The following LILRB3 variants were observed in gnomAD, a reference collection of about 807,000 sequenced individuals.
The protein encoded by LILRB3 is leukocyte immunoglobulin like receptor B3, also known as leukocyte immunoglobulin-like receptor subfamily B member 3.
A neutral mutation model predicts 68.2 loss-of-function variants in LILRB3; 32 were observed. The observed-to-expected ratio is 0.47, with a 90% CI of 0.35 to 0.63. The LOEUF is 0.63. Ranked by LOEUF, LILRB3 falls within the 30% of genes least tolerant of loss-of-function variation. The pLI, the probability that LILRB3 is intolerant of heterozygous loss-of-function variation, is 0.00. For synonymous variants in LILRB3, 185 were observed against 323.1 expected, an observed-to-expected ratio of 0.57 and a Z score of 4.58; for missense variants, 502 against 791.3, an observed-to-expected ratio of 0.63 and a Z score of 4.39.
chr19:54,219,750 C>A, intron 7 of LILRB3: 1 of 1,478,396 alleles, frequency 6.8e-7, no homozygotes, highest in Non-Finnish European at 9.0e-7. Flanking sequence ...GAAACTGAGG[C>A]CCAGGCAGGG....
At chr19:54,219,131 G>C in exon 8 of LILRB3, 4 of 1,595,466 alleles carry the variant, frequency 2.5e-6, no homozygotes, top group East Asian at 4.5e-5. Context: ...CTACTCACCA[G>C]ATGTCCTGTG....
chr19:54,219,041 C>T, intron 8 of LILRB3, 88 bp downstream of exon 8: 2 of 1,533,978 alleles, frequency 1.3e-6, no homozygotes, highest in Non-Finnish European at 8.8e-7. Context: ...GTTTTCTAAA[C>T]TGACACCCCT....
At position 54,218,753 on chromosome 19, in the gene LILRB3, G is replaced by A; in HGVS notation, c.1502+10C>T. 1.2e-6 allele frequency: 2 copies of A among 1,614,086 alleles called. No homozygotes were observed. Among genetic ancestry groups the A allele is most frequent in the Non-Finnish European group, 1.7e-6 (2 of 1,180,010 alleles). On this transcript the variant is annotated intron_variant, in intron 9 of 12. Coordinates refer to ENST00000445347, the Ensembl canonical transcript of LILRB3. ...TGGGTGGGAGTCTGTGGTCTTTGGG[G>A]CAGAATTACCTCCTCAGCAGGCCCC...
At position 54,217,325 on chromosome 19, in the gene LILRB3, G is replaced by T. The variant is rs372826043; in HGVS notation, c.1743C>A (p.Asp581Glu). 44 of 1,588,186 alleles carry T rather than the reference G, an allele frequency of 2.8e-5. 2 individuals are homozygous for T. The highest frequency in any genetic ancestry group is 3.7e-5 in the Non-Finnish European group (43 of 1,166,274). Residue 581 changes from aspartate to glutamate, a missense_variant, in exon 12 of 13, where the codon GAC (aspartate) becomes GAA (glutamate). Asp to Glu is a conservative substitution (Grantham distance 45). Around this residue, in one of 8 missense-constraint regions of LILRB3, gnomAD observed 267 missense variants for 245.5 expected, o/e 1.09. Transcript: ENST00000445347. ...TGGAGAGGAAAGGACTCACCTCAGT[G>T]TCCATCTGCCTGTCCTCTTCCACCT...
chr19:54,222,530 G>C, exon 3 of LILRB3: 1 of 1,610,746 alleles, frequency 6.2e-7, no homozygotes, highest in East Asian at 2.2e-5. Flanking sequence ...ACAGAGCCTG[G>C]CTCAGCCCAG....
intron 7 of LILRB3, 139 bp from the exon 8 acceptor site, chr19:54,219,384 C>A: frequency 6.9e-7 from 1 of 1,459,004 alleles, no homozygotes. Context: ...ACCCGTACAA[C>A]CCATTTCACA....
In LILRB3 at chr19:54,216,948, C is replaced by T. The variant is rs190506887; in HGVS notation, c.*145G>A. 37 of 1,492,494 alleles carry T rather than the reference C, an allele frequency of 2.5e-5. No homozygotes were observed. The Admixed American group carries it at 8.7e-4, about 35-fold the overall frequency. 92.5% of individuals were successfully genotyped at this position (1,492,494 alleles called of 1,614,324 possible). The stretch of plus-strand genomic sequence containing the variant: ...TTAGTCATCTTTGAGTCAGGTGAGT[C>T]CCACAAGTTCCCAGCGTCTCCTCAT... On this transcript the variant is annotated 3_prime_UTR_variant, in exon 13 of 13. Transcript: ENST00000445347.
At chr19:54,219,074 T>C in intron 8 of LILRB3, 55 bp downstream of exon 8, 3 of 1,546,964 alleles carry the variant, frequency 1.9e-6, no homozygotes, top group Non-Finnish European at 2.6e-6. Context: ...TCCCTCTGGC[T>C]GGTGCCCTGA....
At position 54,221,816 on chromosome 19, in the gene LILRB3, T is replaced by C; in HGVS notation, c.658+12A>G. 6.3e-7 allele frequency: 1 copy of C among 1,593,708 alleles called. No homozygotes were observed. The highest frequency in any genetic ancestry group is 8.6e-7 in the Non-Finnish European group (1 of 1,168,270). On this transcript the variant is annotated intron_variant, in intron 4 of 12. Transcript: ENST00000445347. Reference sequence around the variant, plus strand: ...CCCGAAAGTGTGTTAGACAAGGCCGTGGCTCCCTCACCTGAGGGCAGAATC... The same window carrying C: ...CCCGAAAGTGTGTTAGACAAGGCCGCGGCTCCCTCACCTGAGGGCAGAATC...
chr19:54,216,941 G>A, exon 13 of LILRB3: 1 of 1,483,438 alleles, frequency 6.7e-7, no homozygotes, highest in Non-Finnish European at 9.0e-7. Context: ...CTTTGAGTCA[G>A]GTGAGTCCCA....
exon 4 of LILRB3, chr19:54,221,925 G>A (rs1450269255): frequency 6.3e-6 from 10 of 1,581,236 alleles, no homozygotes; most frequent in Non-Finnish European, 8.6e-6. Flanking sequence ...TGTGGCTGGG[G>A]GTCACGGGGC....
In LILRB3 at chr19:54,217,156, A is replaced by G. The variant is rs142952005; in HGVS notation, c.1833T>C (p.Pro611=). The G allele has an allele frequency of 7.9e-4, 1,271 of 1,613,388 alleles. 8 individuals are homozygous for G. The African/African-American group carries it at 0.014, about 18-fold the overall frequency. The change falls in exon 13 of 13, where the codon CCT becomes CCC. Residue 611 remains proline (P), a synonymous_variant. Coordinates refer to ENST00000445347, the Ensembl canonical transcript of LILRB3. ...CTGGAGGTTCCCCTTCCTGGGATGG[A>G]GGAGGCTCAGTTGCCTTCCGTCTAA...
At chr19:54,219,308 G>A (rs1336491850) in intron 7 of LILRB3, 63 bp from the exon 8 acceptor site, 1 of 1,507,558 alleles carries the variant, frequency 6.6e-7, no homozygotes. Flanking sequence ...CTGTGTGCAG[G>A]CGCGAGCCAG....
At chr19:54,221,659 A>C (rs879464520) in intron 4 of LILRB3, 169 bp downstream of exon 4, 53 of 1,577,242 alleles carry the variant, frequency 3.4e-5, no homozygotes, top group African/African-American at 1.1e-4. Flanking sequence ...GAACGTGGTC[A>C]AGGGCTCCTC....
exon 13 of LILRB3, chr19:54,216,905 T>C: frequency 1.4e-6 from 2 of 1,441,312 alleles, no homozygotes; most frequent in Non-Finnish European, 1.8e-6. Flanking sequence ...GTTGCTTTAT[T>C]TCCAAAATGG....
rs780838455 is a variant in LILRB3 at position 54,217,388 on chromosome 19, G to T, written c.1680C>A (p.Ser560=). 21 of 1,596,350 alleles carry T rather than the reference G, an allele frequency of 1.3e-5. No homozygotes were observed. The Middle Eastern group carries it at 1.6e-3, about 120-fold the overall frequency. The change falls in exon 12 of 13, where the codon TCC becomes TCA. Residue 560 remains serine (S), a synonymous_variant. Coordinates refer to ENST00000445347, the Ensembl canonical transcript of LILRB3. ...TGTCCAGGAATTCCCCAGACAGTGAGGAGGGAGGAGAGGCCATTTCTCTCC... is the reference window on the plus strand; with the variant it reads ...TGTCCAGGAATTCCCCAGACAGTGATGAGGGAGGAGAGGCCATTTCTCTCC...
At chr19:54,218,527 T>G (rs1472491926) in intron 10 of LILRB3, 114 bp from the exon 11 acceptor site, 1 of 1,602,590 alleles carries the variant, frequency 6.2e-7, no homozygotes, top group Non-Finnish European at 8.5e-7. Flanking sequence ...TCCCACAGTG[T>G]GGGGCAAGAC....
At chr19:54,217,167 T>C (rs1453918440) in exon 13 of LILRB3, 7 of 1,614,018 alleles carry the variant, frequency 4.3e-6, no homozygotes, top group Non-Finnish European at 5.9e-6. Context: ...GGAGGCTCAG[T>C]TGCCTTCCGT....
Position 54,218,761 on chromosome 19 carries a change from A to C in LILRB3, c.1502+2T>G. 3 of 1,613,630 alleles carry C rather than the reference A, an allele frequency of 1.9e-6. No homozygotes were observed. Among genetic ancestry groups the C allele is most frequent in the Non-Finnish European group, 2.5e-6 (3 of 1,179,908 alleles). ...AGTCTGTGGTCTTTGGGGCAGAATT[A>C]CCTCCTCAGCAGGCCCCTGTCCTTG... On this transcript the variant is annotated splice_donor_variant, in intron 9 of 12. Transcript: ENST00000445347. LOFTEE classifies it high-confidence loss of function.
Sources: gnomAD v4.1 joint callset for allele counts on GRCh38, gnomAD v4.1.1 for gene constraint, gnomAD v4.1.1 regional missense constraint, MANE v1.5 for transcripts, NCBI Gene and HGNC (gene_info 2026-07-23, HGNC 2026-07-21) for gene names.